Variants in CRISPLD2 observed in about 807,000 individuals in gnomAD.
The protein encoded by CRISPLD2 is cysteine-rich secretory protein LCCL domain-containing 2.
Under a neutral mutation model 71.1 loss-of-function variants are expected in CRISPLD2, and 47 were observed. That is an observed-to-expected ratio of 0.66 (90% CI 0.52 to 0.84). CRISPLD2 has a LOEUF of 0.84. Among genes scored for constraint, CRISPLD2 ranks in the 40% least tolerant of loss-of-function variants. The pLI is 0.00. For missense variants in CRISPLD2, 830 were observed against 651.1 expected (o/e 1.27, Z -2.99); for synonymous variants, 317 against 250.1 (o/e 1.27, Z -2.52).
At chr16:84,846,730 C>T (rs1256918602) in intron 3 of CRISPLD2, among the ~76,000 whole-genome samples, 5 of 152,230 alleles carry the variant, frequency 3.3e-5, no homozygotes, top group Admixed American at 1.3e-4. Context: ...GTCATCCAGC[C>T]GTCGGGAAGC....
chr16:84,839,089 G>T (rs1050139317), intron 2 of CRISPLD2: 2 of 388,274 alleles, frequency 5.2e-6, no homozygotes, highest in Admixed American at 3.3e-5. Context: ...GTCTTGCTAC[G>T]TTGCCCAGGC....
chr16:84,890,366 A>G (rs1011944147), intron 14 of CRISPLD2, among the ~76,000 whole-genome samples: 1 of 151,920 alleles, frequency 6.6e-6, no homozygotes, highest in Non-Finnish European at 1.5e-5. Flanking sequence ...CTCAAAAAAA[A>G]AAAGAAGTGG....
At chr16:84,858,878 T>A (rs1278786690) in intron 6 of CRISPLD2, among the ~76,000 whole-genome samples, 1 of 152,038 alleles carries the variant, frequency 6.6e-6, no homozygotes, top group Non-Finnish European at 1.5e-5. Flanking sequence ...AAACCACATC[T>A]GGTGCAGCAG....
rs917751538 is a variant in CRISPLD2 at position 84,906,508 on chromosome 16, G to T, written c.1440-80G>T. 8.0e-6 allele frequency: 12 copies of T among 1,496,208 alleles called. No individual in the cohort carries two copies. The South Asian group carries it at 1.2e-4, about 14-fold the overall frequency. The allele number at this position is 1,496,208 out of a possible 1,614,324, so 92.7% of individuals were successfully genotyped here. A position where few individuals can be genotyped will look rare whatever the true frequency, so the allele number is the denominator to read the frequency against. On this transcript the variant is annotated intron_variant, in intron 14 of 14. Coordinates refer to ENST00000262424, the MANE Select transcript of CRISPLD2 (RefSeq NM_031476.4). ...TACGGGAGCAAGCAGGAGGCACCCA[G>T]GTCTCCCTGCCCACCCAGAGTCCCT...
At chr16:84,834,481 T>C (rs1270722571) in intron 1 of CRISPLD2, among the ~76,000 whole-genome samples, 3 of 152,212 alleles carry the variant, frequency 2.0e-5, no homozygotes, top group Middle Eastern at 3.2e-3. Context: ...CCTCGGCCAA[T>C]TGGTTTGTGG....
chr16:84,898,159 C>A (rs371693571), intron 14 of CRISPLD2, among the ~76,000 whole-genome samples: 45 of 152,348 alleles, frequency 3.0e-4, no homozygotes, highest in African/African-American at 1.1e-3. Flanking sequence ...TGTGCACTTT[C>A]TTGCCGATTT....
intron 14 of CRISPLD2, among the ~76,000 whole-genome samples, chr16:84,896,376 C>CTA (rs1028858739): frequency 3.3e-5 from 5 of 151,874 alleles, no homozygotes; most frequent in African/African-American, 9.7e-5. Flanking sequence ...AAAAAAAAGA[C>CTA]TATATATAGA....
At chr16:84,826,071 G>T (rs944300612) in intron 1 of CRISPLD2, among the ~76,000 whole-genome samples, 2 of 152,200 alleles carry the variant, frequency 1.3e-5, no homozygotes, top group Non-Finnish European at 2.9e-5. Context: ...CTGGCAGTCT[G>T]TTGTAACAAA....
At chr16:84,859,227 G>A (rs1184282241) in intron 6 of CRISPLD2, among the ~76,000 whole-genome samples, 1 of 152,122 alleles carries the variant, frequency 6.6e-6, no homozygotes, top group African/African-American at 2.4e-5. Context: ...TCTGACACTG[G>A]GGAAGTGACC....
chr16:84,871,507 C>G (rs1026704503), intron 8 of CRISPLD2, among the ~76,000 whole-genome samples: 1 of 152,134 alleles, frequency 6.6e-6, no homozygotes, highest in Non-Finnish European at 1.5e-5. Context: ...CTGCTGCACT[C>G]CAGCCTGCGT....
intron 14 of CRISPLD2, among the ~76,000 whole-genome samples, chr16:84,900,114 C>T (rs1403933419): frequency 6.6e-6 from 1 of 152,166 alleles, no homozygotes; most frequent in African/African-American, 2.4e-5. Flanking sequence ...CCGGAGCCAC[C>T]TGCGGCCAAG....
intron 14 of CRISPLD2, among the ~76,000 whole-genome samples, chr16:84,896,045 T>C (rs1454722068): frequency 6.6e-6 from 1 of 151,810 alleles, no homozygotes; most frequent in Non-Finnish European, 1.5e-5. Context: ...GAATCCTTTT[T>C]TTTTTTTTTT....
intron 13 of CRISPLD2, among the ~76,000 whole-genome samples, chr16:84,881,869 A>C (rs2071571410): frequency 6.6e-6 from 1 of 152,068 alleles, no homozygotes; most frequent in Non-Finnish European, 1.5e-5. Context: ...TGTCTGCCTT[A>C]ATGTGTTCCA....
intron 13 of CRISPLD2, among the ~76,000 whole-genome samples, chr16:84,887,152 G>A (rs1461826065): frequency 6.6e-6 from 1 of 152,170 alleles, no homozygotes; most frequent in Non-Finnish European, 1.5e-5. Flanking sequence ...ATGACCCCTG[G>A]GGCTCGGGTA....
intron 13 of CRISPLD2, among the ~76,000 whole-genome samples, chr16:84,881,678 G>A (rs138437853): frequency 2.6e-5 from 4 of 152,224 alleles, no homozygotes; most frequent in African/African-American, 9.6e-5. Context: ...GTCTCACTAT[G>A]TTGCCCAGGC....
rs550255657 is a variant in CRISPLD2 at position 84,907,880 on chromosome 16, A to G, written c.*1238A>G. ...AGGAGTGTAGTACACCCTGGCTGCCATCACTCTATAAAAGTGCTTCATGAG... is the reference window on the plus strand; with the variant it reads ...AGGAGTGTAGTACACCCTGGCTGCCGTCACTCTATAAAAGTGCTTCATGAG... On this transcript the variant is annotated 3_prime_UTR_variant, in exon 15 of 15. Coordinates refer to ENST00000262424, the MANE Select transcript of CRISPLD2 (RefSeq NM_031476.4). 6.6e-6 allele frequency: 1 copy of G among 152,322 alleles called. No individual in the cohort carries two copies. The highest frequency in any genetic ancestry group is 6.5e-5 in the Admixed American group (1 of 15,292). The allele number at this position is 152,322 out of a possible 1,614,324, so 9.4% of individuals were successfully genotyped here. A position where few individuals can be genotyped will look rare whatever the true frequency, so the allele number is the denominator to read the frequency against.
chr16:84,825,778 AATAAATAC>A (rs941729098), intron 1 of CRISPLD2, among the ~76,000 whole-genome samples: 31 of 150,532 alleles, frequency 2.1e-4, no homozygotes, highest in Admixed American at 6.6e-4. Context: ...AATAAATAAA[AATAAATAC>A]ATAAATACAT....
At chr16:84,872,669 C>T (rs555303283) in intron 9 of CRISPLD2, among the ~76,000 whole-genome samples, 161 bp downstream of exon 9, 8 of 152,336 alleles carry the variant, frequency 5.3e-5, no homozygotes, top group African/African-American at 1.7e-4. Context: ...GGCTTACAAA[C>T]TAGCAAAGCC....
intron 1 of CRISPLD2, chr16:84,836,390 G>T (rs186406468): frequency 6.6e-6 from 1 of 152,144 alleles, no homozygotes; most frequent in Admixed American, 6.5e-5. Flanking sequence ...AGAGATCAGG[G>T]ATCCTGAGAA....
Sources: gnomAD v4.1 joint callset for allele counts (sites outside exome capture counted in the v4.1 genomes callset) on GRCh38, gnomAD v4.1.1 for gene constraint, MANE v1.5 for transcripts, NCBI Gene and HGNC (gene_info 2026-07-23, HGNC 2026-07-21) for gene names.